The following FRRS1L variants were observed in gnomAD, a reference collection of about 807,000 sequenced individuals.
FRRS1L encodes DOMON domain-containing protein FRRS1L.
Under a neutral mutation model 28.6 loss-of-function variants are expected in FRRS1L, and 22 were observed. The observed-to-expected ratio is 0.77, with a 90% CI of 0.55 to 1.10. The LOEUF (loss-of-function observed/expected upper bound fraction) is 1.10. Ranked by LOEUF, FRRS1L falls within the 50% of genes least tolerant of loss-of-function variation. FRRS1L has a pLI of 0.00. For synonymous variants in FRRS1L, 158 were observed against 151.4 expected, an observed-to-expected ratio of 1.04 and a Z score of -0.32; for missense variants, 380 against 386.9, an observed-to-expected ratio of 0.98 and a Z score of 0.15.
intron 1 of FRRS1L, among the ~76,000 whole-genome samples, chr9:109,155,783 G>C (rs1388676189): frequency 6.6e-6 from 1 of 151,958 alleles, no homozygotes; most frequent in Non-Finnish European, 1.5e-5. Context: ...GGGTGGGGAG[G>C]AGGGAGATGA....
intron 1 of FRRS1L, among the ~76,000 whole-genome samples, chr9:109,152,743 G>A (rs1244114685): frequency 2.1e-5 from 3 of 139,836 alleles, no homozygotes; most frequent in South Asian, 4.7e-4. Flanking sequence ...GGTGGAGCGT[G>A]CAGTGAGCCA....
rs371939320 is a variant in FRRS1L, at chr9:109,143,516, C to CTT, written c.463-1929_463-1928dup. On this transcript the variant is annotated intron_variant, in intron 3 of 4. Transcript: ENST00000561981. The stretch of plus-strand genomic sequence containing the variant: ...CACACACACGCACACAATAATGCAC[C>CTT]TTTTTTTTTTTTTTTTCCCCGACAG... 2.7e-3 allele frequency among the ~76,000 whole-genome samples: 360 copies of CTT among 135,132 alleles called. 1 individual carries two copies. The highest frequency in any genetic ancestry group is 7.6e-3 in the Middle Eastern group (2 of 262). The allele number at this position is 135,132 out of a possible 152,430, so 88.7% of individuals were successfully genotyped here.
chr9:109,142,082 A>G (rs1172980189), intron 3 of FRRS1L, among the ~76,000 whole-genome samples: 1 of 152,176 alleles, frequency 6.6e-6, no homozygotes, highest in African/African-American at 2.4e-5. Flanking sequence ...GTATTGGGAC[A>G]AGTAGCAACA....
At position 109,140,978 on chromosome 9, in the gene FRRS1L, C is replaced by T. The variant is rs558773066; in HGVS notation, c.709+365G>A. The T allele has an allele frequency of 9.4e-4, 211 of 225,276 alleles. 1 individual carries two copies. The highest frequency in any genetic ancestry group is 9.2e-3 in the South Asian group (105 of 11,430). The allele number at this position is 225,276 out of a possible 1,614,324, so 14.0% of individuals were successfully genotyped here. On this transcript the variant is annotated intron_variant, in intron 4 of 4. Coordinates refer to ENST00000561981, the MANE Select transcript of FRRS1L (RefSeq NM_014334.4). The stretch of plus-strand genomic sequence containing the variant: ...CCAAGTTTCTTAATCTCTCTAAAAT[C>T]AGGACAATAATACCTATACCTCTCA...
At chr9:109,139,206 AT>A (rs1831150344) in intron 4 of FRRS1L, 3 of 152,306 alleles carry the variant, frequency 2.0e-5, no homozygotes, top group African/African-American at 7.2e-5. Flanking sequence ...TTAAAAAAAA[AT>A]AAAAATAAAA....
intron 1 of FRRS1L, among the ~76,000 whole-genome samples, chr9:109,166,329 C>T (rs1453589412): frequency 1.3e-5 from 2 of 152,028 alleles, no homozygotes; most frequent in South Asian, 2.1e-4. Flanking sequence ...ACATATGTGG[C>T]GTCATAAAAG....
rs1831560148 is a variant in FRRS1L at position 109,166,919 on chromosome 9, G to T, written c.220C>A (p.Arg74Ser). 2 of 1,350,178 alleles carry T rather than the reference G, an allele frequency of 1.5e-6. No individual in the cohort carries two copies. Among genetic ancestry groups the T allele is most frequent in the Admixed American group, 5.4e-5 (2 of 37,102 alleles). The allele number at this position is 1,350,178 out of a possible 1,614,324, so 83.6% of individuals were successfully genotyped here. A position where few individuals can be genotyped will look rare whatever the true frequency, so the allele number is the denominator to read the frequency against. ...GCCTCACCCTCCTCCGACAGGTAGCGCAGGTCGTAGAACTCCCCCGCGAAG... is the reference window on the plus strand; with the variant it reads ...GCCTCACCCTCCTCCGACAGGTAGCTCAGGTCGTAGAACTCCCCCGCGAAG... ...GTFAGEFYDLRYLSEEGYPFP... is the reference protein window; with the variant it reads ...GTFAGEFYDLSYLSEEGYPFP... The change falls in exon 1 of 5, where the codon CGC (arginine) becomes AGC (serine). Residue 74 changes from arginine to serine, a missense_variant. Physicochemically the swap from Arg to Ser is moderately radical, Grantham distance 110. Transcript: ENST00000561981.
intron 4 of FRRS1L, 52 bp from the exon 5 acceptor site, chr9:109,137,679 T>C (rs768060938): frequency 9.1e-6 from 11 of 1,212,546 alleles, no homozygotes; most frequent in Admixed American, 4.5e-5. Context: ...AACAGATTTA[T>C]AATGGTATAG....
chr9:109,164,224 G>A (rs1564237030), intron 1 of FRRS1L, among the ~76,000 whole-genome samples: 1 of 152,022 alleles, frequency 6.6e-6, no homozygotes. Flanking sequence ...ACCGGATGGT[G>A]GTAGAATCTG....
chr9:109,163,209 T>C (rs1831501168), intron 1 of FRRS1L, among the ~76,000 whole-genome samples: 1 of 152,222 alleles, frequency 6.6e-6, no homozygotes, highest in Non-Finnish European at 1.5e-5. Context: ...TTTCACATTC[T>C]ATCATTGCTC....
intron 4 of FRRS1L, chr9:109,139,974 C>T (rs1416349309): frequency 1.3e-5 from 2 of 152,234 alleles, no homozygotes; most frequent in Non-Finnish European, 2.9e-5. Flanking sequence ...CACTCACTTC[C>T]ATTCTTGAGC....
At chr9:109,144,542 T>C (rs1173961041) in intron 3 of FRRS1L, among the ~76,000 whole-genome samples, 2 of 151,886 alleles carry the variant, frequency 1.3e-5, no homozygotes, top group Non-Finnish European at 2.9e-5. Context: ...GTTTTGTGTT[T>C]TTAGTAGAGA....
At chr9:109,146,219 ATAAAT>A (rs1831260256) in intron 3 of FRRS1L, among the ~76,000 whole-genome samples, 1 of 151,918 alleles carries the variant, frequency 6.6e-6, no homozygotes, top group South Asian at 2.1e-4. Context: ...AAACAAACAA[ATAAAT>A]TAAATAAATA....
chr9:109,155,756 G>A (rs1443771922), intron 1 of FRRS1L, among the ~76,000 whole-genome samples: 6 of 150,650 alleles, frequency 4.0e-5, no homozygotes, highest in Non-Finnish European at 1.5e-5. Flanking sequence ...AGAAAGATTC[G>A]TGGTTGTCTC....
chr9:109,137,383 G>T lies in FRRS1L; in HGVS notation c.*72C>A. 1 of 940,804 alleles carries T rather than the reference G, an allele frequency of 1.1e-6. No homozygotes were observed. Among genetic ancestry groups the T allele is most frequent in the East Asian group, 2.9e-5 (1 of 34,700 alleles). 58.3% of individuals were successfully genotyped at this position (940,804 alleles called of 1,614,324 possible). On this transcript the variant is annotated 3_prime_UTR_variant, in exon 5 of 5. Coordinates refer to ENST00000561981, the MANE Select transcript of FRRS1L (RefSeq NM_014334.4). ...AATAATTGAAGCTAAAATTATACTG[G>T]ATATTCTTTAAAAAATATATTTATA...
At chr9:109,163,855 G>C (rs567814362) in intron 1 of FRRS1L, among the ~76,000 whole-genome samples, 1 of 152,284 alleles carries the variant, frequency 6.6e-6, no homozygotes, top group Admixed American at 6.5e-5. Context: ...CGTCCTCCAA[G>C]GTCAGTCAGG....
intron 1 of FRRS1L, among the ~76,000 whole-genome samples, chr9:109,160,133 CTTCT>C (rs963052044): frequency 1.3e-5 from 2 of 151,810 alleles, no homozygotes; most frequent in African/African-American, 4.8e-5. Flanking sequence ...GATTTATTCC[CTTCT>C]TTCTGTCACT....
chr9:109,166,566 G>A (rs1045488721), intron 1 of FRRS1L, among the ~76,000 whole-genome samples: 2 of 152,166 alleles, frequency 1.3e-5, no homozygotes, highest in African/African-American at 4.8e-5. Flanking sequence ...CGGCAAAGGT[G>A]GAAGCCAGAT....
At position 109,166,754 on chromosome 9, in the gene FRRS1L, C is replaced by A. The variant is rs1020359118; in HGVS notation, c.238+147G>T. The A allele has an allele frequency of 2.6e-5, 11 of 426,274 alleles. 1 individual carries two copies. The highest frequency in any genetic ancestry group is 6.5e-4 in the Middle Eastern group (1 of 1,538). 26.4% of individuals were successfully genotyped at this position (426,274 alleles called of 1,614,324 possible). A position where few individuals can be genotyped will look rare whatever the true frequency, so the allele number is the denominator to read the frequency against. On this transcript the variant is annotated intron_variant, in intron 1 of 4. Transcript: ENST00000561981. ...GAGGCCTGGGCACTGCGCTCCCCAT[C>A]CTGGCCTCGCCTCTGCAAGAGCTGC... is the stretch of plus-strand genomic sequence containing the variant.
Sources: allele counts gnomAD v4.1 joint callset (sites outside exome capture counted in the v4.1 genomes callset), GRCh38; gene constraint gnomAD v4.1.1; transcripts MANE v1.5; gene names NCBI Gene and HGNC (gene_info 2026-07-23, HGNC 2026-07-21).